Variants in FGD6 observed in about 807,000 individuals in gnomAD.
FGD6 encodes FYVE, RhoGEF and PH domain-containing protein 6.
A neutral mutation model predicts 149.4 loss-of-function variants in FGD6; 90 were observed. The observed-to-expected ratio is 0.60, with a 90% CI of 0.51 to 0.72. FGD6 has a LOEUF of 0.72. Ranked by LOEUF, FGD6 falls within the 30% of genes least tolerant of loss-of-function variation. The pLI, the probability that FGD6 is intolerant of heterozygous loss-of-function variation, is 0.00. For synonymous variants in FGD6, 527 were observed against 584.0 expected, an observed-to-expected ratio of 0.90 and a Z score of 1.41; for missense variants, 1,437 against 1,684.8, an observed-to-expected ratio of 0.85 and a Z score of 2.57.
At position 95,172,524 on chromosome 12, in the gene FGD6, C is replaced by A. The variant is rs113932049; in HGVS notation, c.2586+76G>T. 5,265 of 1,279,922 alleles carry A rather than the reference C, an allele frequency of 4.1e-3. 18 individuals are homozygous for A. Among genetic ancestry groups the A allele is most frequent in the Non-Finnish European group, 5.1e-3 (4,896 of 960,518 alleles). The allele number at this position is 1,279,922 out of a possible 1,614,324, so 79.3% of individuals were successfully genotyped here. A position where few individuals can be genotyped will look rare whatever the true frequency, so the allele number is the denominator to read the frequency against. On this transcript the variant is annotated intron_variant, in intron 3 of 20. Coordinates refer to ENST00000343958, the MANE Select transcript of FGD6 (RefSeq NM_018351.4). The stretch of plus-strand genomic sequence containing the variant: ...GTTTTAAGAAAACTCACAAGGGTTT[C>A]TGTGCCTATTATGCAGACAAATATC...
intron 2 of FGD6, among the ~76,000 whole-genome samples, chr12:95,185,625 G>A (rs1881406874): frequency 6.6e-6 from 1 of 152,228 alleles, no homozygotes; most frequent in African/African-American, 2.4e-5. Context: ...CATTTTGGGA[G>A]GCTGAGGCAG....
At chr12:95,155,931 C>A (rs1254484762) in intron 3 of FGD6, among the ~76,000 whole-genome samples, 1 of 152,200 alleles carries the variant, frequency 6.6e-6, no homozygotes, top group Non-Finnish European at 1.5e-5. Flanking sequence ...GTCTTTACTG[C>A]AATCTCTGAA....
intron 8 of FGD6, among the ~76,000 whole-genome samples, chr12:95,115,317 A>G (rs1356014418): frequency 1.3e-5 from 2 of 151,642 alleles, no homozygotes; most frequent in Admixed American, 1.3e-4. Flanking sequence ...TGCTCACTAC[A>G]GCCTCAAATT....
chr12:95,215,781 T>C (rs1387193019), intron 1 of FGD6, among the ~76,000 whole-genome samples: 1 of 152,272 alleles, frequency 6.6e-6, no homozygotes, highest in African/African-American at 2.4e-5. Context: ...TACATGCTTC[T>C]GTGCCTGTTC....
intron 2 of FGD6, among the ~76,000 whole-genome samples, chr12:95,185,629 G>A (rs1881407255): frequency 6.6e-6 from 1 of 152,212 alleles, no homozygotes; most frequent in Non-Finnish European, 1.5e-5. Context: ...TTGGGAGGCT[G>A]AGGCAGGAGG....
chr12:95,142,939 A>G (rs1879896930), intron 5 of FGD6, among the ~76,000 whole-genome samples: 1 of 152,138 alleles, frequency 6.6e-6, no homozygotes, highest in Non-Finnish European at 1.5e-5. Context: ...ATTACTCCAG[A>G]GCACTTGGAA....
intron 13 of FGD6, among the ~76,000 whole-genome samples, chr12:95,106,272 CT>C (rs58785323): frequency 0.11 from 14,101 of 130,590 alleles, 963 homozygotes; most frequent in African/African-American, 0.22. Context: ...TTTATTTGGG[CT>C]TTTTTTTTTT....
At chr12:95,124,965 C>T (rs1160100146) in intron 8 of FGD6, among the ~76,000 whole-genome samples, 1 of 152,074 alleles carries the variant, frequency 6.6e-6, no homozygotes, top group African/African-American at 2.4e-5. Context: ...TAAAGAAGTG[C>T]ATGCATTAAT....
intron 2 of FGD6, among the ~76,000 whole-genome samples, chr12:95,197,705 A>G (rs985165274): frequency 7.2e-6 from 1 of 139,062 alleles, no homozygotes; most frequent in Non-Finnish European, 1.6e-5. Context: ...TGTACTTGAC[A>G]GAGAGAACAA....
intron 2 of FGD6, among the ~76,000 whole-genome samples, chr12:95,204,633 G>C (rs554529958): frequency 1.3e-5 from 2 of 152,186 alleles, no homozygotes; most frequent in South Asian, 2.1e-4. Context: ...GCTCCTCTGA[G>C]ATCCCAGGTG....
intron 14 of FGD6, among the ~76,000 whole-genome samples, chr12:95,097,344 T>TTAAAAACCTG (rs1878266723): frequency 6.6e-6 from 1 of 151,920 alleles, no homozygotes; most frequent in South Asian, 2.1e-4. Flanking sequence ...TTGCCAAGGG[T>TTAAAAACCTG]TAAAAACCTG....
intron 13 of FGD6, among the ~76,000 whole-genome samples, chr12:95,106,447 GT>G (rs540286027): frequency 5.0e-5 from 7 of 138,986 alleles, no homozygotes; most frequent in South Asian, 2.3e-4. Flanking sequence ...ATTTTTGTTT[GT>G]TTTTTTTTTG....
intron 8 of FGD6, among the ~76,000 whole-genome samples, chr12:95,117,904 G>A (rs1592839620): frequency 6.6e-6 from 1 of 152,138 alleles, no homozygotes; most frequent in African/African-American, 2.4e-5. Flanking sequence ...AGCTGGGCAT[G>A]GGGGCGCATG....
intron 3 of FGD6, among the ~76,000 whole-genome samples, chr12:95,161,640 G>A (rs985280871): frequency 6.6e-6 from 1 of 151,974 alleles, no homozygotes; most frequent in Non-Finnish European, 1.5e-5. Context: ...CCATTAGGTC[G>A]ACAGGGTTTT....
At chr12:95,164,295 G>T (rs1405062206) in intron 3 of FGD6, among the ~76,000 whole-genome samples, 8 of 149,432 alleles carry the variant, frequency 5.4e-5, no homozygotes, top group African/African-American at 2.0e-4. Flanking sequence ...AGGCTGGAGT[G>T]CAGTGGCACG....
chr12:95,211,097 G>C lies in FGD6; in HGVS notation c.187C>G (p.Pro63Ala). Residue 63 changes from proline to alanine, a missense_variant, in exon 2 of 21, where the codon CCT (proline) becomes GCT (alanine). This residue lies in a region of FGD6 where 1,055 missense variants were observed against 1,146.0 expected (regional missense o/e 0.92). Transcript: ENST00000343958. ...GGCGACTGCCCAATCTCTCGAACAG[G>C]TGAGGTCTTCAGGACTTTTGGTTTT... is the stretch of plus-strand genomic sequence containing the variant. ...APKPKVLKTS[P>A]VREIGQSPSR... 1 of 1,614,200 alleles carries C rather than the reference G, an allele frequency of 6.2e-7. No individual in the cohort carries two copies. The highest frequency in any genetic ancestry group is 8.5e-7 in the Non-Finnish European group (1 of 1,180,044).
intron 9 of FGD6, among the ~76,000 whole-genome samples, chr12:95,109,134 C>G (rs992807707): frequency 6.6e-6 from 1 of 152,134 alleles, no homozygotes; most frequent in Admixed American, 6.5e-5. Flanking sequence ...ATTTTGTGAG[C>G]TGGGTTATTA....
chr12:95,093,188 T>C (rs1878123561), intron 15 of FGD6, among the ~76,000 whole-genome samples: 1 of 151,634 alleles, frequency 6.6e-6, no homozygotes, highest in Non-Finnish European at 1.5e-5. Context: ...CCCACTGCAC[T>C]CCAGCCTGGG....
chr12:95,098,774 A>G (rs1176066363), intron 14 of FGD6, among the ~76,000 whole-genome samples: 1 of 152,046 alleles, frequency 6.6e-6, no homozygotes, highest in Non-Finnish European at 1.5e-5. Flanking sequence ...TCTGTGCACC[A>G]TTTAATCACC....
Sources: allele counts gnomAD v4.1 joint callset (sites outside exome capture counted in the v4.1 genomes callset), GRCh38; gene constraint gnomAD v4.1.1; regional missense constraint gnomAD v4.1.1; transcripts MANE v1.5; gene names NCBI Gene and HGNC (gene_info 2026-07-23, HGNC 2026-07-21).